WNK3: variants seen among roughly 807,000 people sequenced by gnomAD.
WNK3 encodes the protein WNK lysine deficient protein kinase 3.
WNK3 carries 18 observed loss-of-function variants against 116.7 expected under a neutral mutation model. The observed-to-expected ratio is 0.15, with a 90% confidence interval of 0.11 to 0.23. WNK3 has a LOEUF of 0.23. WNK3 is among the 10% of genes least tolerant of loss of function. The pLI is 1.00. For missense variants in WNK3, 993 were observed against 1,323.8 expected (o/e 0.75, Z 3.88); for synonymous variants, 404 against 469.4 (o/e 0.86, Z 1.80).
intron 10 of WNK3, among the ~76,000 whole-genome samples, chrX:54,276,373 G>A (rs1348581244): frequency 3.6e-5 from 4 of 110,528 alleles, no homozygotes; most frequent in African/African-American, 1.3e-4. Context: ...AAATTACTGC[G>A]TTAAAAGGAG....
chrX:54,323,317 C>T (rs942336603), intron 2 of WNK3, among the ~76,000 whole-genome samples: 4 of 110,639 alleles, frequency 3.6e-5, no homozygotes, highest in African/African-American at 1.3e-4. Flanking sequence ...AAACATAAGA[C>T]AAAGTCAAAT....
intron 10 of WNK3, among the ~76,000 whole-genome samples, chrX:54,272,210 CTACTT>C (rs1335508310): frequency 2.7e-5 from 3 of 112,065 alleles, no homozygotes; most frequent in Non-Finnish European, 5.6e-5. Flanking sequence ...ATGGAATTAA[CTACTT>C]TATAGAGGAA....
At chrX:54,292,153 ACAAGT>A (rs781800925) in intron 10 of WNK3, among the ~76,000 whole-genome samples, 2 of 112,101 alleles carry the variant, frequency 1.8e-5, no homozygotes, top group East Asian at 5.6e-4. Flanking sequence ...ATGAACCAAA[ACAAGT>A]CAAGAGTTTA....
chrX:54,231,766 G>A (rs2067900804), intron 21 of WNK3, among the ~76,000 whole-genome samples: 1 of 111,272 alleles, frequency 9.0e-6, no homozygotes, highest in Admixed American at 9.7e-5. Context: ...ACAAGTTTCA[G>A]AGATTTGCAC....
chrX:54,211,720 A>G (rs2067616164), intron 22 of WNK3, among the ~76,000 whole-genome samples: 1 of 108,971 alleles, frequency 9.2e-6, no homozygotes, highest in Non-Finnish European at 1.9e-5. Flanking sequence ...AAGAGAATCA[A>G]TCGCTTGAGC....
At chrX:54,325,712 T>C (rs1386788416) in intron 2 of WNK3, among the ~76,000 whole-genome samples, 1 of 65,555 alleles carries the variant, frequency 1.5e-5, no homozygotes, top group Non-Finnish European at 2.9e-5. Flanking sequence ...AAAAAGGAAA[T>C]AGTTCCATTA....
intron 22 of WNK3, among the ~76,000 whole-genome samples, chrX:54,206,937 G>A (rs1049571700): frequency 2.7e-5 from 3 of 111,477 alleles, no homozygotes; most frequent in Non-Finnish European, 5.6e-5. Flanking sequence ...GCTGAGGCAG[G>A]AGAATTGCTT....
At chrX:54,210,189 A>G (rs1417252897) in intron 22 of WNK3, among the ~76,000 whole-genome samples, 1 of 112,225 alleles carries the variant, frequency 8.9e-6, no homozygotes, top group Non-Finnish European at 1.9e-5. Flanking sequence ...GTGAGAGGCA[A>G]TAAGGTAACA....
In WNK3 at chrX:54,294,656, G is replaced by A. The variant is rs139877996; in HGVS notation, c.1590C>T (p.Pro530=). Residue 530 remains proline, a synonymous_variant, in exon 8 of 24, where the codon CCC becomes CCT. Transcript: ENST00000354646. Reference sequence around the variant, plus strand: ...CACATTCAGCCCCAGTTTGCTGAGCGGGAGCAAGGGGTAAAGTTGTATTCT... The same window carrying A: ...CACATTCAGCCCCAGTTTGCTGAGCAGGAGCAAGGGGTAAAGTTGTATTCT... 389 of 1,207,244 alleles carry A rather than the reference G, an allele frequency of 3.2e-4. No individual in the cohort carries two copies. The Middle Eastern group carries it at 4.8e-3, about 15-fold the overall frequency.
chrX:54,336,206 T>C lies in WNK3; in HGVS notation c.-119-2414A>G, dbSNP rs909489302. On this transcript the variant is annotated intron_variant, in intron 1 of 23. Coordinates refer to ENST00000354646, the Ensembl canonical transcript of WNK3. Reference sequence around the variant, plus strand: ...CGGGAGGCTGAGGCAGGAGAATCACTTGAACCTGGGCAGTGAAGGCTGTGA... The same window carrying C: ...CGGGAGGCTGAGGCAGGAGAATCACCTGAACCTGGGCAGTGAAGGCTGTGA... Among the ~76,000 whole-genome samples the C allele has an allele frequency of 6.3e-5, 7 of 110,640 alleles. No homozygotes were observed. The Admixed American group carries it at 6.8e-4, about 11-fold the overall frequency.
At chrX:54,302,759 T>TA (rs1569538447) in intron 5 of WNK3, among the ~76,000 whole-genome samples, 52 of 12,466 alleles carry the variant, frequency 4.2e-3, no homozygotes, top group African/African-American at 0.011. Context: ...ATATATATAT[T>TA]TTTTTTTTTT....
chrX:54,200,912 G>A (rs2067494672), intron 23 of WNK3, among the ~76,000 whole-genome samples: 1 of 111,814 alleles, frequency 8.9e-6, no homozygotes, highest in African/African-American at 3.2e-5. Flanking sequence ...CTCCCAAGGA[G>A]ATATACTGCT....
exon 17 of WNK3, chrX:54,248,870 C>T (rs2146927455): frequency 8.3e-7 from 1 of 1,211,694 alleles, no homozygotes; most frequent in Non-Finnish European, 1.1e-6. Context: ...ATGGCTATGA[C>T]TTCTGTCACT....
chrX:54,323,154 C>G (rs1557172624), intron 2 of WNK3, among the ~76,000 whole-genome samples: 2 of 110,959 alleles, frequency 1.8e-5, no homozygotes, highest in Non-Finnish European at 3.8e-5. Context: ...GGAGAGAAAG[C>G]CTGGCAGATA....
chrX:54,265,163 G>A (rs1246283259), intron 10 of WNK3, among the ~76,000 whole-genome samples: 2 of 111,692 alleles, frequency 1.8e-5, no homozygotes, highest in Non-Finnish European at 3.8e-5. Flanking sequence ...TCAAGCTATA[G>A]GCCTATGAAA....
Position 54,260,260 on chromosome X carries a change from G to C in WNK3, c.2038-922C>G, listed in dbSNP as rs782001022. 3.6e-5 allele frequency among the ~76,000 whole-genome samples: 4 copies of C among 112,127 alleles called. No homozygotes were observed. In the Admixed American group the frequency reaches 3.8e-4, roughly 11 times the overall value. On this transcript the variant is annotated intron_variant, in intron 10 of 23. Transcript: ENST00000354646. ...TAAATTAGACTAGCTTCTAATTATA[G>C]ATTAGTTAATTAGCTCTTTAACATA...
At chrX:54,302,741 A>ATG (rs2068775890) in intron 5 of WNK3, among the ~76,000 whole-genome samples, 3 of 41,763 alleles carry the variant, frequency 7.2e-5, no homozygotes, top group Admixed American at 6.8e-4. Flanking sequence ...CTATATATAT[A>ATG]TATATATATA....
intron 17 of WNK3, 116 bp from the exon 18 acceptor site, chrX:54,239,215 A>C (rs1457517897): frequency 2.0e-5 from 11 of 538,367 alleles, no homozygotes; most frequent in African/African-American, 9.7e-5. Context: ...AAAAAAAAAA[A>C]AAACGGAATT....
intron 10 of WNK3, among the ~76,000 whole-genome samples, chrX:54,263,313 C>T (rs1486998327): frequency 8.9e-6 from 1 of 111,931 alleles, no homozygotes; most frequent in Non-Finnish European, 1.9e-5. Context: ...CATATCTCTC[C>T]CCTGAAGTAC....
Sources: gnomAD v4.1 joint callset for allele counts (sites outside exome capture counted in the v4.1 genomes callset) on GRCh38, gnomAD v4.1.1 for gene constraint, MANE v1.5 for transcripts, NCBI Gene and HGNC (gene_info 2026-07-23, HGNC 2026-07-21) for gene names.